The following MYO5C variants were observed in gnomAD, a reference collection of about 807,000 sequenced individuals.
The protein encoded by MYO5C is unconventional myosin-Vc.
A neutral mutation model predicts 235.7 loss-of-function variants in MYO5C; 194 were observed. That is an observed-to-expected ratio of 0.82 (90% CI 0.73 to 0.93). The LOEUF is 0.93. Ranked by LOEUF, MYO5C falls within the 40% of genes least tolerant of loss-of-function variation. MYO5C has a pLI of 0.00. For synonymous variants in MYO5C, 707 were observed against 754.8 expected (o/e 0.94, Z 1.04); for missense variants, 2,038 against 2,127.2 (o/e 0.96, Z 0.82).
In MYO5C at chr15:52,220,843, T is replaced by A. The variant is rs931079079; in HGVS notation, c.3721+319A>T. On this transcript the variant is annotated intron_variant, in intron 30 of 40. Transcript: ENST00000261839. ...CAGTCTCAAAAAAAAAAAAAAAAAT[T>A]TTTTTTGTAGAGATGAGGTTTCATC... Among the ~76,000 whole-genome samples, 14 of 118,790 alleles carry A rather than the reference T, an allele frequency of 1.2e-4. No homozygotes were observed. In the South Asian group the frequency reaches 2.2e-3, roughly 18 times the overall value. 77.9% of individuals were successfully genotyped at this position (118,790 alleles called of 152,430 possible). A position where few individuals can be genotyped will look rare whatever the true frequency, so the allele number is the denominator to read the frequency against.
intron 1 of MYO5C, among the ~76,000 whole-genome samples, chr15:52,291,971 C>T (rs933262252): frequency 5.9e-5 from 9 of 151,838 alleles, no homozygotes; most frequent in Non-Finnish European, 1.3e-4. Flanking sequence ...GACCTCCTGA[C>T]CTCGTGATCC....
intron 39 of MYO5C, among the ~76,000 whole-genome samples, chr15:52,196,012 T>TGTTGCCCAG (rs1401944991): frequency 2.1e-5 from 3 of 144,158 alleles, no homozygotes; most frequent in African/African-American, 7.7e-5. Flanking sequence ...CGTCTTGTTA[T>TGTTGCCCAG]GTTGCCCAGA....
At chr15:52,224,198 G>A (rs1234092520) in intron 28 of MYO5C, among the ~76,000 whole-genome samples, 3 of 152,036 alleles carry the variant, frequency 2.0e-5, no homozygotes, top group Non-Finnish European at 4.4e-5. Flanking sequence ...CACGCAAATC[G>A]CTTGAAACCT....
chr15:52,224,793 A>G, intron 28 of MYO5C, 108 bp downstream of exon 28: 3 of 841,216 alleles, frequency 3.6e-6, no homozygotes, highest in Non-Finnish European at 5.7e-6. Context: ...CAGTCATTCT[A>G]CTATAAGGAA....
At chr15:52,230,047 A>G (rs1190794193) in intron 24 of MYO5C, among the ~76,000 whole-genome samples, 1 of 152,208 alleles carries the variant, frequency 6.6e-6, no homozygotes, top group African/African-American at 2.4e-5. Context: ...GTTTGATCCT[A>G]AACAATAGAG....
chr15:52,195,555 G>A, intron 39 of MYO5C, 98 bp from the exon 40 acceptor site: 1 of 755,504 alleles, frequency 1.3e-6, no homozygotes, highest in Non-Finnish European at 2.0e-6. Context: ...GGAAGCACAG[G>A]TGGTTCTTTT....
chr15:52,231,978 C>G (rs559567506), intron 24 of MYO5C, among the ~76,000 whole-genome samples: 4 of 151,636 alleles, frequency 2.6e-5, no homozygotes, highest in African/African-American at 9.7e-5. Context: ...CTAACAAGGA[C>G]AATAGGTGGG....
intron 24 of MYO5C, among the ~76,000 whole-genome samples, chr15:52,229,822 T>C (rs2035909216): frequency 6.6e-6 from 1 of 152,204 alleles, no homozygotes; most frequent in African/African-American, 2.4e-5. Context: ...TTACACCTCC[T>C]GATTTGAAAG....
In MYO5C at chr15:52,278,885, T is replaced by C; in HGVS notation, c.437A>G (p.Lys146Arg). 9.3e-6 allele frequency: 15 copies of C among 1,614,066 alleles called. No homozygotes were observed. The highest frequency in any genetic ancestry group is 1.3e-5 in the Non-Finnish European group (15 of 1,179,982). Residue 146 changes from lysine to arginine, a missense_variant, in exon 4 of 41, where the codon AAG becomes AGG. Lys to Arg is a conservative substitution (Grantham distance 26, BLOSUM62 2). Transcript: ENST00000261839. ...GGCAGGAAGCTACCTGGCCATCTGC[T>C]TGTATGCCTCTTCTGCCACGGCAAA... ...HIFAVAEEAY[K>R]QMARNNRNQS... is the part of the protein sequence containing the mutation.
chr15:52,227,796 T>A (rs1242941226), intron 25 of MYO5C, among the ~76,000 whole-genome samples: 2 of 152,218 alleles, frequency 1.3e-5, no homozygotes, highest in African/African-American at 4.8e-5. Context: ...ACACTTCAGT[T>A]GTGGAATTCA....
At chr15:52,198,421 T>C (rs1300576604) in intron 38 of MYO5C, among the ~76,000 whole-genome samples, 2 of 152,186 alleles carry the variant, frequency 1.3e-5, no homozygotes, top group Non-Finnish European at 2.9e-5. Flanking sequence ...ATTTGGACAG[T>C]GATGCTGAAT....
chr15:52,289,651 C>T (rs772546717), intron 1 of MYO5C, among the ~76,000 whole-genome samples: 1 of 152,138 alleles, frequency 6.6e-6, no homozygotes, highest in South Asian at 2.1e-4. Flanking sequence ...CAGCAGCCCC[C>T]GGAGGCTTCC....
At chr15:52,278,056 A>T (rs1470631187) in intron 4 of MYO5C, 7 of 433,688 alleles carry the variant, frequency 1.6e-5, no homozygotes, top group Non-Finnish European at 3.3e-5. Context: ...GAAGTCAGTC[A>T]ACTTCACAGG....
Position 52,193,871 on chromosome 15 carries a change from T to C in MYO5C, c.*31A>G. On this transcript the variant is annotated 3_prime_UTR_variant, in exon 41 of 41. Transcript: ENST00000261839. ...TCATATTGAACCTTCACTTAGCTTT[T>C]GAAGAAAAAGTGCATTGACTTTTTC... is the stretch of plus-strand genomic sequence containing the variant. 6.3e-7 allele frequency: 1 copy of C among 1,591,798 alleles called. No homozygotes were observed. The highest frequency in any genetic ancestry group is 2.3e-5 in the East Asian group (1 of 43,914).
In MYO5C at chr15:52,208,547, C is replaced by T. The variant is rs1245822648; in HGVS notation, c.4386+7G>A. The T allele has an allele frequency of 6.2e-7, 1 of 1,613,530 alleles. No homozygotes were observed. The highest frequency in any genetic ancestry group is 8.5e-7 in the Non-Finnish European group (1 of 1,179,632). The stretch of plus-strand genomic sequence containing the variant: ...CACAAAACAACAAGCAGGTGGGCGC[C>T]CCCTACCTCTTCTCCGCTGTACTGC... On this transcript the variant is annotated splice_region_variant and intron_variant, in intron 36 of 40. Transcript: ENST00000261839.
rs1258015703 is a variant in MYO5C, at chr15:52,292,239, G to A, written c.27+3371C>T. On this transcript the variant is annotated intron_variant, in intron 1 of 40. Transcript: ENST00000261839. ...ATTGGTTCCAATTTAGTTATTATAAGGAAAAATACAAATAAGCAGGTGTCA... is the reference window on the plus strand; with the variant it reads ...ATTGGTTCCAATTTAGTTATTATAAAGAAAAATACAAATAAGCAGGTGTCA... 4.6e-5 allele frequency among the ~76,000 whole-genome samples: 7 copies of A among 152,108 alleles called. No homozygotes were observed. In the East Asian group the frequency reaches 1.3e-3, roughly 29 times the overall value.
At position 52,245,548 on chromosome 15, in the gene MYO5C, G is replaced by A. The variant is rs566357240; in HGVS notation, c.2067-83C>T. 2.3e-4 allele frequency: 217 copies of A among 929,512 alleles called. 1 individual carries two copies. The highest frequency in any genetic ancestry group is 3.2e-4 in the Non-Finnish European group (179 of 557,820). 57.6% of individuals were successfully genotyped at this position (929,512 alleles called of 1,614,324 possible). On this transcript the variant is annotated intron_variant, in intron 17 of 40. Transcript: ENST00000261839. Reference sequence around the variant, plus strand: ...GGACTCCGCTGCCTTACCTGCCACTGTTGTCATAGGGCGGGGGTGGTGCAA... The same window carrying A: ...GGACTCCGCTGCCTTACCTGCCACTATTGTCATAGGGCGGGGGTGGTGCAA...
At chr15:52,225,350 C>G (rs1042357390) in intron 26 of MYO5C, 89 bp downstream of exon 26, 1 of 1,223,310 alleles carries the variant, frequency 8.2e-7, no homozygotes, top group African/African-American at 1.5e-5. Context: ...CAACCAAATT[C>G]ATACCAAAGG....
At chr15:52,261,915 C>T (rs879728860) in intron 9 of MYO5C, among the ~76,000 whole-genome samples, 27 of 152,168 alleles carry the variant, frequency 1.8e-4, no homozygotes, top group Non-Finnish European at 7.4e-5. Context: ...TACATGATTG[C>T]ACTAAAAAGC....
Sources: allele counts gnomAD v4.1 joint callset (sites outside exome capture counted in the v4.1 genomes callset), GRCh38; gene constraint gnomAD v4.1.1; transcripts MANE v1.5; gene names NCBI Gene and HGNC (gene_info 2026-07-23, HGNC 2026-07-21).